The following ZFYVE21 variants were observed in gnomAD, a reference collection of about 807,000 sequenced individuals.
ZFYVE21 encodes zinc finger FYVE-type containing 21, also known as zinc finger FYVE domain-containing protein 21.
A neutral mutation model predicts 29.5 loss-of-function variants in ZFYVE21; 21 were observed. The observed-to-expected ratio is 0.71, with a 90% confidence interval of 0.50 to 1.02. The LOEUF is 1.02. Among genes scored for constraint, ZFYVE21 ranks in the 50% least tolerant of loss-of-function variants. ZFYVE21 has a pLI of 0.00. For missense variants in ZFYVE21, 326 were observed against 335.4 expected, an observed-to-expected ratio of 0.97 and a Z score of 0.22; for synonymous variants, 151 against 133.8, an observed-to-expected ratio of 1.13 and a Z score of -0.89.
At chr14:103,726,952 T>TTTTTTTTTG in intron 2 of ZFYVE21, 110 bp downstream of exon 2, 13 of 1,214,960 alleles carry the variant, frequency 1.1e-5, no homozygotes, top group East Asian at 4.8e-5. Flanking sequence ...TGGCTCGTTT[T>TTTTTTTTTG]TTTTTTTTTT....
intron 1 of ZFYVE21, among the ~76,000 whole-genome samples, chr14:103,721,498 C>T (rs1567068807): frequency 6.6e-6 from 1 of 152,240 alleles, no homozygotes; most frequent in Non-Finnish European, 1.5e-5. Context: ...CCCAGAGAGG[C>T]CTGGGCCGAG....
Position 103,732,966 on chromosome 14 carries a change from T to A in ZFYVE21, c.670-17T>A, listed in dbSNP as rs1315232926. 2 of 1,614,116 alleles carry A rather than the reference T, an allele frequency of 1.2e-6. No homozygotes were observed. The stretch of plus-strand genomic sequence containing the variant: ...GACCAAGCAGGCCTCACTGTGTTGA[T>A]CTTGTCTGATCTGCAGGCTGCCAAG... On this transcript the variant is annotated splice_polypyrimidine_tract_variant and intron_variant, in intron 6 of 6. Coordinates refer to ENST00000311141, the MANE Select transcript of ZFYVE21 (RefSeq NM_024071.4).
intron 2 of ZFYVE21, 67 bp from the exon 3 acceptor site, chr14:103,727,679 C>T (rs771516623): frequency 5.7e-6 from 9 of 1,585,544 alleles, no homozygotes; most frequent in African/African-American, 1.3e-5. Context: ...CCAGGCCAGC[C>T]GGGGCCACAC....
intron 5 of ZFYVE21, chr14:103,731,424 A>T (rs1595693567): frequency 7.1e-6 from 1 of 140,964 alleles, no homozygotes; most frequent in East Asian, 2.1e-4. Context: ...TCATGGAGAA[A>T]CCCCGTCTCT....
rs557943184 is a variant in ZFYVE21 at position 103,715,874 on chromosome 14, C to T, written c.33C>T (p.Ala11=). 5.6e-6 allele frequency: 8 copies of T among 1,432,982 alleles called. No individual in the cohort carries two copies. The Admixed American group carries it at 1.7e-4, about 31-fold the overall frequency. 88.8% of individuals were successfully genotyped at this position (1,432,982 alleles called of 1,614,324 possible). A position where few individuals can be genotyped will look rare whatever the true frequency, so the allele number is the denominator to read the frequency against. Residue 11 remains alanine, a synonymous_variant, in exon 1 of 7, where the codon GCC becomes GCT. Coordinates refer to ENST00000311141, the MANE Select transcript of ZFYVE21 (RefSeq NM_024071.4). MSSEVSARRD[A]KKLVRSPSGL... Reference sequence around the variant, plus strand: ...CCGAGGTGTCCGCGCGCCGCGACGCCAAGAAGCTGGTGCGCTCCCCGAGCG... The same window carrying T: ...CCGAGGTGTCCGCGCGCCGCGACGCTAAGAAGCTGGTGCGCTCCCCGAGCG...
Position 103,715,995 on chromosome 14 carries a change from C to T in ZFYVE21, c.138+16C>T. 1 of 1,243,556 alleles carries T rather than the reference C, an allele frequency of 8.0e-7. No individual in the cohort carries two copies. The highest frequency in any genetic ancestry group is 1.0e-6 in the Non-Finnish European group (1 of 984,450). 77.0% of individuals were successfully genotyped at this position (1,243,556 alleles called of 1,614,324 possible). A position where few individuals can be genotyped will look rare whatever the true frequency, so the allele number is the denominator to read the frequency against. Reference sequence around the variant, plus strand: ...GGACAAGGAGGTGGGTGGCCGTCGCCCCGGCCAGCGCCTCCGACCCGCCCC... The same window carrying T: ...GGACAAGGAGGTGGGTGGCCGTCGCTCCGGCCAGCGCCTCCGACCCGCCCC... On this transcript the variant is annotated intron_variant, in intron 1 of 6. Coordinates refer to ENST00000311141, the MANE Select transcript of ZFYVE21 (RefSeq NM_024071.4).
chr14:103,730,213 C>A (rs924699953), intron 5 of ZFYVE21: 13 of 258,672 alleles, frequency 5.0e-5, no homozygotes, highest in African/African-American at 2.9e-4. Flanking sequence ...CTCCCCAGCT[C>A]AGTGTGGCCT....
At chr14:103,726,725 T>C in intron 1 of ZFYVE21, 67 bp from the exon 2 acceptor site, 1 of 1,598,140 alleles carries the variant, frequency 6.3e-7, no homozygotes. Context: ...CAGCAGCCCG[T>C]GGTCGTGCCC....
chr14:103,730,000 T>C, intron 5 of ZFYVE21: 1 of 827,700 alleles, frequency 1.2e-6, no homozygotes, highest in Non-Finnish European at 1.8e-6. Context: ...ATGTTGGATC[T>C]GATAAGTGGG....
rs888356114 is a variant in ZFYVE21 at position 103,716,040 on chromosome 14, G to T, written c.138+61G>T. On this transcript the variant is annotated intron_variant, in intron 1 of 6. Transcript: ENST00000311141. This position sits in a 1 kb window ranked among gnomAD's most constrained non-coding sequence, Gnocchi z 4.8. The stretch of plus-strand genomic sequence containing the variant: ...CGCCCCGCCGCCCCGGCCCGGCCCC[G>T]CGGGCTTCCAGGCTCCCGCGACGAC... 1.8e-5 allele frequency: 21 copies of T among 1,173,604 alleles called. No homozygotes were observed. Among genetic ancestry groups the T allele is most frequent in the Middle Eastern group, 3.4e-4 (1 of 2,904 alleles). The allele number at this position is 1,173,604 out of a possible 1,614,324, so 72.7% of individuals were successfully genotyped here. A position where few individuals can be genotyped will look rare whatever the true frequency, so the allele number is the denominator to read the frequency against.
chr14:103,721,148 G>A (rs1042223098), intron 1 of ZFYVE21, among the ~76,000 whole-genome samples: 1 of 152,046 alleles, frequency 6.6e-6, no homozygotes, highest in Admixed American at 6.6e-5. Flanking sequence ...CATTGCTCGC[G>A]GCCATCTTGC....
At chr14:103,728,749 T>G in intron 3 of ZFYVE21, 159 bp from the exon 4 acceptor site, 1 of 685,480 alleles carries the variant, frequency 1.5e-6, no homozygotes, top group Admixed American at 2.8e-5. Context: ...CATGACTGCC[T>G]TTTTGCTCAG....
chr14:103,724,169 C>T (rs538269901), intron 1 of ZFYVE21, among the ~76,000 whole-genome samples: 15 of 152,326 alleles, frequency 9.8e-5, no homozygotes, highest in African/African-American at 2.2e-4. Context: ...GGGGATTGGG[C>T]GGCCGCGCGG....
At chr14:103,724,175 C>T (rs946307691) in intron 1 of ZFYVE21, among the ~76,000 whole-genome samples, 1 of 152,210 alleles carries the variant, frequency 6.6e-6, no homozygotes, top group African/African-American at 2.4e-5. Context: ...TGGGCGGCCG[C>T]GCGGTCCCCA....
At chr14:103,722,970 T>A (rs903925154) in intron 1 of ZFYVE21, among the ~76,000 whole-genome samples, 1 of 152,160 alleles carries the variant, frequency 6.6e-6, no homozygotes, top group East Asian at 1.9e-4. Context: ...TATTTAGAAA[T>A]TGGCCTTTCA....
chr14:103,720,487 T>A lies in ZFYVE21; in HGVS notation c.138+4508T>A, dbSNP rs557738876. Among the ~76,000 whole-genome samples, 100 of 152,328 alleles carry A rather than the reference T, an allele frequency of 6.6e-4. 1 individual carries two copies. The highest frequency in any genetic ancestry group is 1.1e-3 in the Non-Finnish European group (72 of 68,032). On this transcript the variant is annotated intron_variant, in intron 1 of 6. Coordinates refer to ENST00000311141, the MANE Select transcript of ZFYVE21 (RefSeq NM_024071.4). ...GCTCAGAGTGCGTGGTGGGGCCTGA[T>A]GTTTTTTGTCACCCCAGCCTCAAAG... is the stretch of plus-strand genomic sequence containing the variant.
intron 5 of ZFYVE21, 188 bp from the exon 6 acceptor site, chr14:103,732,432 C>T: frequency 1.7e-6 from 1 of 592,504 alleles, no homozygotes; most frequent in Non-Finnish European, 2.6e-6. Flanking sequence ...CACCTGTGAG[C>T]TTGGGGTCTC....
At chr14:103,729,934 C>T in intron 5 of ZFYVE21, 7 of 1,426,842 alleles carry the variant, frequency 4.9e-6, no homozygotes, top group Non-Finnish European at 6.6e-6. Flanking sequence ...CGGGGTGGTC[C>T]ATGCCAAGGT....
chr14:103,732,907 G>A lies in ZFYVE21; in HGVS notation c.670-76G>A, dbSNP rs200362079. 322 of 1,611,224 alleles carry A rather than the reference G, an allele frequency of 2.0e-4. No homozygotes were observed. In the East Asian group the frequency reaches 7.1e-3, roughly 36 times the overall value. ...CTGGGGTGCCCACGCCATCTCCCCTGAAATGCACACAGGCTTGGCTCCACC... is the reference window on the plus strand; with the variant it reads ...CTGGGGTGCCCACGCCATCTCCCCTAAAATGCACACAGGCTTGGCTCCACC... On this transcript the variant is annotated intron_variant, in intron 6 of 6. Transcript: ENST00000311141.
Sources: allele counts gnomAD v4.1 joint callset (sites outside exome capture counted in the v4.1 genomes callset), GRCh38; gene constraint gnomAD v4.1.1; non-coding constraint Gnocchi (gnomAD v3.1); transcripts MANE v1.5; gene names NCBI Gene and HGNC (gene_info 2026-07-23, HGNC 2026-07-21).